Variants in UQCRH observed in about 807,000 individuals in gnomAD.
UQCRH encodes ubiquinol-cytochrome c reductase hinge protein.
Under a neutral mutation model 16.3 loss-of-function variants are expected in UQCRH, and 14 were observed. That is an observed-to-expected ratio of 0.86 (90% CI 0.57 to 1.34). The LOEUF (loss-of-function observed/expected upper bound fraction) is 1.34, where lower values mean the gene tolerates loss of function less well. Among genes scored for constraint, UQCRH ranks in the 40% most tolerant of loss-of-function variants. The pLI is 0.00. For synonymous variants in UQCRH, 41 were observed against 41.9 expected (o/e 0.98, Z 0.08); for missense variants, 89 against 111.9 (o/e 0.80, Z 0.92).
chr1:46,304,587 C>T (rs1383369157), intron 1 of UQCRH, among the ~76,000 whole-genome samples: 1 of 151,948 alleles, frequency 6.6e-6, no homozygotes, highest in African/African-American at 2.4e-5. Flanking sequence ...GGGTTTCACT[C>T]TGTTGGCCAG....
chr1:46,314,398 T>C (rs986355629), intron 3 of UQCRH, among the ~76,000 whole-genome samples: 5 of 147,406 alleles, frequency 3.4e-5, no homozygotes, highest in African/African-American at 1.3e-4. Context: ...GGGCTGGGCA[T>C]AGCAGCTCAT....
intron 3 of UQCRH, among the ~76,000 whole-genome samples, chr1:46,315,160 G>A (rs1009756262): frequency 6.6e-6 from 1 of 152,092 alleles, no homozygotes; most frequent in African/African-American, 2.4e-5. Flanking sequence ...TTAGCTGAGT[G>A]TAGGCCAGGT....
At chr1:46,314,261 G>A (rs1217062336) in intron 3 of UQCRH, among the ~76,000 whole-genome samples, 2 of 151,850 alleles carry the variant, frequency 1.3e-5, no homozygotes, top group Admixed American at 1.3e-4. Context: ...AGCTACTTGG[G>A]AGGCTGAGGC....
intron 1 of UQCRH, among the ~76,000 whole-genome samples, chr1:46,305,480 G>T (rs559035240): frequency 1.4e-4 from 2 of 13,854 alleles, no homozygotes; most frequent in African/African-American, 3.0e-4. Flanking sequence ...GGAGGCCGAG[G>T]CGGGTGGATC....
At chr1:46,311,410 C>T (rs539032515) in intron 3 of UQCRH, among the ~76,000 whole-genome samples, 6 of 151,046 alleles carry the variant, frequency 4.0e-5, no homozygotes, top group Admixed American at 4.0e-4. Context: ...AAACCCGTCC[C>T]TACTAAAGTA....
chr1:46,303,955 C>A, intron 1 of UQCRH, 135 bp downstream of exon 1: 1 of 1,111,116 alleles, frequency 9.0e-7, no homozygotes, highest in South Asian at 1.5e-5. Context: ...CTAGTTCCCT[C>A]GACCTTTCCC....
intron 2 of UQCRH, 115 bp downstream of exon 2, chr1:46,309,242 G>C: frequency 8.2e-7 from 1 of 1,212,274 alleles, no homozygotes; most frequent in Non-Finnish European, 1.2e-6. Flanking sequence ...AATGGGGGTG[G>C]AATAAGCTTT....
chr1:46,314,339 C>T (rs1661538264), intron 3 of UQCRH, among the ~76,000 whole-genome samples: 1 of 142,986 alleles, frequency 7.0e-6, no homozygotes, highest in South Asian at 2.2e-4. Context: ...GCACTTCAGC[C>T]TGGGTACAGA....
intron 2 of UQCRH, chr1:46,309,781 C>A: frequency 1.9e-6 from 2 of 1,034,248 alleles, no homozygotes; most frequent in Non-Finnish European, 2.5e-6. Context: ...GGTTCTCAGA[C>A]AAGGGGATTT....
chr1:46,308,990 A>G, intron 1 of UQCRH, 111 bp from the exon 2 acceptor site: 1 of 1,282,248 alleles, frequency 7.8e-7, no homozygotes. Flanking sequence ...CAGAAAACAA[A>G]ATAACATCGT....
At chr1:46,308,051 A>G (rs1468862532) in intron 1 of UQCRH, among the ~76,000 whole-genome samples, 1 of 152,152 alleles carries the variant, frequency 6.6e-6, no homozygotes, top group East Asian at 1.9e-4. Context: ...TCCTTAAGGG[A>G]CTGTTGTGAT....
At chr1:46,306,817 T>G (rs970175684) in intron 1 of UQCRH, among the ~76,000 whole-genome samples, 9 of 152,228 alleles carry the variant, frequency 5.9e-5, no homozygotes, top group African/African-American at 2.2e-4. Flanking sequence ...GAACCTTTCC[T>G]ACCCCTCACT....
chr1:46,303,871 C>G (rs745922695), intron 1 of UQCRH, 51 bp downstream of exon 1: 55 of 1,612,946 alleles, frequency 3.4e-5, no homozygotes, highest in Middle Eastern at 1.6e-4. Context: ...AAGCCCAGGA[C>G]CTAGCCCGCC....
rs759514010 is a variant in UQCRH at position 46,316,559 on chromosome 1, A to C, written c.251A>C (p.His84Pro). Residue 84 changes from histidine to proline, a missense_variant, in exon 4 of 4, where the codon CAC becomes CCC. Transcript: ENST00000311672. ...TTTCTTTCCCCCATCTAGGTGGCCC[A>C]CAAACTCTTTAACAACTTGAAATAA... ...FLHARDHCVAHKLFNNLK is the reference protein window; with the variant it reads ...FLHARDHCVAPKLFNNLK 1 of 1,613,332 alleles carries C rather than the reference A, an allele frequency of 6.2e-7. No individual in the cohort carries two copies. The highest frequency in any genetic ancestry group is 1.3e-5 in the African/African-American group (1 of 74,894).
In UQCRH at chr1:46,309,074, G is replaced by A. The variant is rs762222323; in HGVS notation, c.55-27G>A. 60 of 1,612,590 alleles carry A rather than the reference G, an allele frequency of 3.7e-5. No homozygotes were observed. In the South Asian group the frequency reaches 4.3e-4, roughly 12 times the overall value. Reference sequence around the variant, plus strand: ...ATAAATATGTCATAAAATTGCTGCTGACATTAATTTTGTTTTCCTTTTGTA... The same window carrying A: ...ATAAATATGTCATAAAATTGCTGCTAACATTAATTTTGTTTTCCTTTTGTA... On this transcript the variant is annotated intron_variant, in intron 1 of 3. Coordinates refer to ENST00000311672, the MANE Select transcript of UQCRH (RefSeq NM_006004.4).
rs779146646 is a variant in UQCRH, at chr1:46,310,257, C to T, written c.184C>T (p.His62Tyr). 7 of 1,614,192 alleles carry T rather than the reference C, an allele frequency of 4.3e-6. No individual in the cohort carries two copies. In the South Asian group the frequency reaches 6.6e-5, roughly 15 times the overall value. The change falls in exon 3 of 4, where the codon CAT becomes TAT. Residue 62 changes from histidine (H) to tyrosine (Y), a missense_variant. Transcript: ENST00000311672. The part of the protein sequence containing the change: ...LCDERVSSRS[H>Y]TEEDCTEELF... ...TGATGAGCGTGTATCCTCTCGATCA[C>T]ATACAGAAGAGGATTGCACGGAGGA...
At chr1:46,316,451 T>G in intron 3 of UQCRH, 101 bp from the exon 4 acceptor site, 1 of 1,482,004 alleles carries the variant, frequency 6.7e-7, no homozygotes, top group Non-Finnish European at 9.3e-7. Context: ...AGAAGGGGAG[T>G]GGTGAGAAGA....
chr1:46,314,608 G>A (rs980121988), intron 3 of UQCRH, among the ~76,000 whole-genome samples: 11 of 151,820 alleles, frequency 7.2e-5, no homozygotes, highest in Non-Finnish European at 1.5e-4. Context: ...CGGAGGTGGA[G>A]GCTGCGGTGA....
chr1:46,311,022 T>G (rs919026319), intron 3 of UQCRH, among the ~76,000 whole-genome samples: 17 of 150,224 alleles, frequency 1.1e-4, no homozygotes, highest in Admixed American at 2.7e-4. Flanking sequence ...GAGCCGAGAT[T>G]GCGCCACTGC....
Sources: allele counts gnomAD v4.1 joint callset (sites outside exome capture counted in the v4.1 genomes callset), GRCh38; gene constraint gnomAD v4.1.1; transcripts MANE v1.5; gene names NCBI Gene and HGNC (gene_info 2026-07-23, HGNC 2026-07-21).